Variants in IPO5 observed in about 807,000 individuals in gnomAD.
IPO5 encodes importin-5.
A neutral mutation model predicts 143.3 loss-of-function variants in IPO5; 18 were observed. That is an observed-to-expected ratio of 0.13 (90% confidence interval 0.09 to 0.19). The LOEUF (loss-of-function observed/expected upper bound fraction) is 0.19, where lower values mean the gene tolerates loss of function less well. IPO5 is among the 10% of genes least tolerant of loss of function. IPO5 has a pLI of 1.00. For missense variants in IPO5, 1,013 were observed against 1,336.9 expected (o/e 0.76, Z 3.78); for synonymous variants, 477 against 465.7 (o/e 1.02, Z -0.31).
chr13:97,965,195 T>C (rs1222707208), intron 2 of IPO5, among the ~76,000 whole-genome samples: 1 of 150,504 alleles, frequency 6.6e-6, no homozygotes, highest in Admixed American at 6.6e-5. Flanking sequence ...TGTCGGGGGG[T>C]GGGGGACAAG....
intron 12 of IPO5, among the ~76,000 whole-genome samples, chr13:97,998,003 T>A (rs1888444034): frequency 6.6e-6 from 1 of 152,136 alleles, no homozygotes; most frequent in South Asian, 2.1e-4. Context: ...TGAGACGGAG[T>A]CTCGCTGTGT....
chr13:97,957,631 A>C (rs760724085), intron 2 of IPO5, among the ~76,000 whole-genome samples: 14 of 152,206 alleles, frequency 9.2e-5, no homozygotes, highest in Non-Finnish European at 1.8e-4. Flanking sequence ...TCCTTGGCAC[A>C]AAGTAAATCC....
At chr13:97,979,068 G>T (rs1886626824) in intron 4 of IPO5, among the ~76,000 whole-genome samples, 1 of 152,162 alleles carries the variant, frequency 6.6e-6, no homozygotes, top group African/African-American at 2.4e-5. Flanking sequence ...GTTAAGAGAA[G>T]CTCTCTGGTG....
intron 26 of IPO5, 94 bp from the exon 27 acceptor site, chr13:98,019,487 A>G (rs1368448209): frequency 7.1e-6 from 6 of 847,706 alleles, no homozygotes; most frequent in East Asian, 5.2e-5. Context: ...TTTCTTTACC[A>G]TAATCAATAT....
chr13:98,020,469 T>G (rs1001630453), intron 27 of IPO5, among the ~76,000 whole-genome samples: 2 of 152,140 alleles, frequency 1.3e-5, no homozygotes, highest in African/African-American at 4.8e-5. Flanking sequence ...TACATACTCC[T>G]GACCTGCTCC....
intron 16 of IPO5, among the ~76,000 whole-genome samples, chr13:98,004,197 C>T (rs1889029300): frequency 6.6e-6 from 1 of 152,098 alleles, no homozygotes; most frequent in Non-Finnish European, 1.5e-5. Context: ...TTTCTAATGC[C>T]CTCAATTCCT....
At chr13:98,021,188 A>G in intron 28 of IPO5, 55 bp downstream of exon 28, 1 of 1,493,026 alleles carries the variant, frequency 6.7e-7, no homozygotes, top group Non-Finnish European at 9.0e-7. Flanking sequence ...TTTTCTTTGT[A>G]GTCCTCTATG....
chr13:97,973,339 G>A (rs936352301), intron 3 of IPO5, among the ~76,000 whole-genome samples: 1 of 152,078 alleles, frequency 6.6e-6, no homozygotes, highest in African/African-American at 2.4e-5. Context: ...ACTGCACCCA[G>A]CCCCTGAGTT....
chr13:97,961,124 T>C (rs572232155), intron 2 of IPO5, among the ~76,000 whole-genome samples: 27 of 152,356 alleles, frequency 1.8e-4, no homozygotes, highest in Non-Finnish European at 1.5e-5. Context: ...CTAATGAGTT[T>C]AAGGTTCACT....
chr13:98,023,102 C>T lies in IPO5; in HGVS notation c.*1280C>T, dbSNP rs1890589144. On this transcript the variant is annotated 3_prime_UTR_variant, in exon 29 of 29. Transcript: ENST00000651721. Reference sequence around the variant, plus strand: ...AATGATTTGTATTACTTTATTAAAACTAAATCTGAAATGGAATAGAAAATA... The same window carrying T: ...AATGATTTGTATTACTTTATTAAAATTAAATCTGAAATGGAATAGAAAATA... 1 of 152,534 alleles carries T rather than the reference C, an allele frequency of 6.6e-6. No individual in the cohort carries two copies. The highest frequency in any genetic ancestry group is 2.1e-4 in the South Asian group (1 of 4,828). 9.4% of individuals were successfully genotyped at this position (152,534 alleles called of 1,614,324 possible). A position where few individuals can be genotyped will look rare whatever the true frequency, so the allele number is the denominator to read the frequency against.
intron 4 of IPO5, among the ~76,000 whole-genome samples, chr13:97,979,395 G>A (rs1886658808): frequency 6.6e-6 from 1 of 152,008 alleles, no homozygotes; most frequent in African/African-American, 2.4e-5. Flanking sequence ...CCATTTAGTA[G>A]GCTTTATAGT....
chr13:98,001,874 A>G (rs1306936855), intron 13 of IPO5: 7 of 152,230 alleles, frequency 4.6e-5, no homozygotes, highest in African/African-American at 1.7e-4. Flanking sequence ...TCAACCTCCC[A>G]AAGTGCTGGG....
intron 3 of IPO5, among the ~76,000 whole-genome samples, chr13:97,971,957 A>G (rs1885861249): frequency 6.6e-6 from 1 of 152,198 alleles, no homozygotes; most frequent in African/African-American, 2.4e-5. Flanking sequence ...CTATCATTCC[A>G]ATTTTACAGA....
intron 2 of IPO5, among the ~76,000 whole-genome samples, chr13:97,962,723 G>A (rs1884991743): frequency 6.6e-6 from 1 of 151,948 alleles, no homozygotes; most frequent in South Asian, 2.1e-4. Flanking sequence ...GGAGGCTGAG[G>A]CACAAGAATC....
intron 25 of IPO5, among the ~76,000 whole-genome samples, chr13:98,017,791 G>A (rs540673319): frequency 6.6e-6 from 1 of 151,912 alleles, no homozygotes; most frequent in Admixed American, 6.6e-5. Flanking sequence ...TGTGTATTCA[G>A]TTTTTTTGTT....
chr13:97,989,980 C>A (rs1887681715), intron 7 of IPO5, 146 bp from the exon 8 acceptor site: 3 of 597,048 alleles, frequency 5.0e-6, no homozygotes, highest in Non-Finnish European at 2.9e-6. Context: ...AACAGGATTG[C>A]TTAGAGAATG....
In IPO5 at chr13:97,997,562, GGAA is replaced by G; in HGVS notation, c.951_953del (p.Glu317del). 3 of 1,609,860 alleles carry G rather than the reference GGAA, an allele frequency of 1.9e-6. No homozygotes were observed. Among genetic ancestry groups the G allele is most frequent in the Non-Finnish European group, 2.5e-6 (3 of 1,176,616 alleles). ...AGATGTTAGCAATGATGGTTGATTT[GGAA>G]GAAGATGAGGACTGGGCAAATGCAG... On this transcript the variant is annotated inframe_deletion, in exon 12 of 29. Coordinates refer to ENST00000651721, the MANE Select transcript of IPO5 (RefSeq NM_002271.6).
chr13:98,004,891 TTTTATTTA>T (rs149732418), intron 16 of IPO5, among the ~76,000 whole-genome samples: 2 of 151,650 alleles, frequency 1.3e-5, no homozygotes, highest in Non-Finnish European at 2.9e-5. Context: ...TTTTATTTTA[TTTTATTTA>T]TTTATTTATT....
chr13:97,997,688 C>A, intron 12 of IPO5, 70 bp downstream of exon 12: 2 of 845,224 alleles, frequency 2.4e-6, no homozygotes, highest in South Asian at 2.0e-5. Flanking sequence ...TTCACTATTG[C>A]ACCCTGTAAC....
Sources: gnomAD v4.1 joint callset for allele counts (sites outside exome capture counted in the v4.1 genomes callset) on GRCh38, gnomAD v4.1.1 for gene constraint, MANE v1.5 for transcripts, NCBI Gene and HGNC (gene_info 2026-07-23, HGNC 2026-07-21) for gene names.